CLSPN: variants seen among roughly 807,000 people sequenced by gnomAD.
CLSPN encodes claspin, also known as claspin homolog.
Under a neutral mutation model 156.3 loss-of-function variants are expected in CLSPN, and 85 were observed. That is an observed-to-expected ratio of 0.54 (90% confidence interval 0.46 to 0.65). CLSPN has a LOEUF of 0.65. CLSPN is among the 30% of genes least tolerant of loss of function. CLSPN has a pLI of 0.00. For missense variants in CLSPN, 1,407 were observed against 1,554.9 expected, an observed-to-expected ratio of 0.90 and a Z score of 1.60; for synonymous variants, 534 against 542.4, an observed-to-expected ratio of 0.98 and a Z score of 0.22.
At chr1:35,766,016 A>G (rs562044421) in intron 1 of CLSPN, among the ~76,000 whole-genome samples, 1 of 18,734 alleles carries the variant, frequency 5.3e-5, no homozygotes, top group Non-Finnish European at 1.4e-4. Flanking sequence ...TTTTTTTGAG[A>G]TAGAATCTCG....
At chr1:35,743,376 A>G in intron 17 of CLSPN, 79 bp downstream of exon 17, 1 of 1,421,882 alleles carries the variant, frequency 7.0e-7, no homozygotes, top group East Asian at 2.3e-5. Flanking sequence ...AGAATTCTCA[A>G]GAACTGAGGG....
intron 18 of CLSPN, among the ~76,000 whole-genome samples, chr1:35,742,580 T>C (rs1244711911): frequency 1.3e-5 from 2 of 152,078 alleles, no homozygotes; most frequent in East Asian, 1.9e-4. Flanking sequence ...GGTTTCACCA[T>C]GTTGGTCACG....
At chr1:35,760,980 A>G (rs1642457167) in intron 7 of CLSPN, 64 bp from the exon 8 acceptor site, 3 of 1,416,996 alleles carry the variant, frequency 2.1e-6, no homozygotes, top group South Asian at 2.4e-5. Flanking sequence ...CTCATCCCTT[A>G]GTATATATCA....
chr1:35,756,191 T>C (rs1642266875), intron 8 of CLSPN, among the ~76,000 whole-genome samples: 1 of 151,630 alleles, frequency 6.6e-6, no homozygotes, highest in African/African-American at 2.4e-5. Context: ...AACAAAAGAG[T>C]AGAGAGACAA....
At chr1:35,741,567 C>T (rs1641691943) in intron 18 of CLSPN, among the ~76,000 whole-genome samples, 1 of 152,170 alleles carries the variant, frequency 6.6e-6, no homozygotes, top group Non-Finnish European at 1.5e-5. Flanking sequence ...CCACCCGCCT[C>T]AGCTTCCCAA....
chr1:35,769,568 G>T (rs566215570), intron 1 of CLSPN, among the ~76,000 whole-genome samples: 1 of 152,356 alleles, frequency 6.6e-6, no homozygotes, highest in East Asian at 1.9e-4. Context: ...GGCAGGAACC[G>T]GCTGAAGAGG....
intron 9 of CLSPN, among the ~76,000 whole-genome samples, chr1:35,753,224 T>C (rs899346966): frequency 6.6e-6 from 1 of 152,024 alleles, no homozygotes; most frequent in Non-Finnish European, 1.5e-5. Flanking sequence ...CCCAAGTATC[T>C]GGGGCCACAG....
At position 35,732,268 on chromosome 1, in the gene CLSPN, C is replaced by T; in HGVS notation, c.*4228G>A. 1.0e-6 allele frequency: 1 copy of T among 985,404 alleles called. No individual in the cohort carries two copies. The highest frequency in any genetic ancestry group is 1.2e-6 in the Non-Finnish European group (1 of 829,930). 61.0% of individuals were successfully genotyped at this position (985,404 alleles called of 1,614,324 possible). On this transcript the variant is annotated 3_prime_UTR_variant, in exon 25 of 25. Coordinates refer to ENST00000318121, the MANE Select transcript of CLSPN (RefSeq NM_022111.4). ...CATGGGAACACTCCTCCCAGAAATA[C>T]TCTCCTCTATCCTTAGGAGCACAAA...
downstream of CLSPN, among the ~76,000 whole-genome samples, chr1:35,728,254 G>A (rs1042566411): frequency 8.6e-5 from 13 of 151,834 alleles, no homozygotes; most frequent in African/African-American, 2.7e-4. Context: ...GCTAATTTTT[G>A]TATTTTTTGT....
chr1:35,731,813 C>A (rs974111905), downstream of CLSPN, among the ~76,000 whole-genome samples: 49 of 152,098 alleles, frequency 3.2e-4, no homozygotes, highest in Non-Finnish European at 1.5e-4. Context: ...ACTGAAATGG[C>A]AAATACAGGA....
At chr1:35,730,390 A>G, downstream of CLSPN, among the ~76,000 whole-genome samples, 1 of 151,900 alleles carries the variant, frequency 6.6e-6, no homozygotes, top group East Asian at 1.9e-4. Context: ...CTAAAAATAC[A>G]AAAATTAGCT....
In CLSPN at chr1:35,737,205, G is replaced by A. The variant is rs965611590; in HGVS notation, c.3748-130C>T. 4 of 1,220,202 alleles carry A rather than the reference G, an allele frequency of 3.3e-6. No individual in the cohort carries two copies. The South Asian group carries it at 4.0e-5, about 12-fold the overall frequency. The allele number at this position is 1,220,202 out of a possible 1,614,324, so 75.6% of individuals were successfully genotyped here. A position where few individuals can be genotyped will look rare whatever the true frequency, so the allele number is the denominator to read the frequency against. On this transcript the variant is annotated intron_variant, in intron 23 of 24. Transcript: ENST00000318121. ...ACCCTATTCAAATAGAAAAGAAATA[G>A]CAGACTCCTTTGACATTAACTTTTT...
At chr1:35,728,747 T>C (rs975013190), downstream of CLSPN, among the ~76,000 whole-genome samples, 9 of 152,306 alleles carry the variant, frequency 5.9e-5, no homozygotes, top group Non-Finnish European at 1.5e-5. Context: ...TGATGGGTTC[T>C]AATCCTTGGT....
rs929596558 is a variant in CLSPN, at chr1:35,753,869, C to T, written c.1647G>A (p.Gln549=). ...TCACTATGACGTTCACATTCACTGT[C>T]TGACCAGCCCTGGGTTTGGCTGCTG... ...ANPAAKPRAG[Q]TVNVNVIVKD... Residue 549 remains glutamine, a synonymous_variant, in exon 9 of 25, where the codon CAG becomes CAA. Coordinates refer to ENST00000318121, the MANE Select transcript of CLSPN (RefSeq NM_022111.4). 16 of 1,614,214 alleles carry T rather than the reference C, an allele frequency of 9.9e-6. No individual in the cohort carries two copies. The highest frequency in any genetic ancestry group is 1.6e-4 in the Middle Eastern group (1 of 6,062).
At position 35,751,350 on chromosome 1, in the gene CLSPN, T is replaced by G; in HGVS notation, c.1928A>C (p.Glu643Ala). 1 of 1,601,230 alleles carries G rather than the reference T, an allele frequency of 6.2e-7. No homozygotes were observed. Among genetic ancestry groups the G allele is most frequent in the South Asian group, 1.1e-5 (1 of 90,840 alleles). Residue 643 changes from glutamate to alanine, a missense_variant, in exon 10 of 25, where the codon GAG becomes GCG. Around this residue, in one of 3 missense-constraint regions of CLSPN, gnomAD observed 1,096 missense variants for 1,193.0 expected, o/e 0.92. Transcript: ENST00000318121. Reference sequence around the variant, plus strand: ...CTCTACCTTCTCTTCTCCATCTTCCTCAGACTCATCTGTCATTTCTTCCTC... The same window carrying G: ...CTCTACCTTCTCTTCTCCATCTTCCGCAGACTCATCTGTCATTTCTTCCTC... Reference protein sequence around the residue: ...EEEEEMTDESEEDGEEKVEKE... With the variant: ...EEEEEMTDESAEDGEEKVEKE...
At position 35,738,512 on chromosome 1, in the gene CLSPN, C is replaced by T. The variant is rs754144885; in HGVS notation, c.3501G>A (p.Glu1167=). The T allele has an allele frequency of 1.9e-6, 3 of 1,613,992 alleles. No individual in the cohort carries two copies. Among genetic ancestry groups the T allele is most frequent in the Non-Finnish European group, 1.7e-6 (2 of 1,179,926 alleles). ...DDDQTEEQLD[E]SEARWRKERI... ...GCTCCTTCCTCCACCTGGCTTCTGA[C>T]TCATCAAGCTGTTCTTCAGTCTGAT... The change falls in exon 21 of 25, where the codon GAG becomes GAA. Residue 1167 remains glutamate (E), a synonymous_variant. Coordinates refer to ENST00000318121, the MANE Select transcript of CLSPN (RefSeq NM_022111.4).
chr1:35,764,762 C>A, intron 2 of CLSPN, 48 bp from the exon 3 acceptor site: 1 of 1,208,298 alleles, frequency 8.3e-7, no homozygotes, highest in East Asian at 2.4e-5. Flanking sequence ...TGATCTTCCT[C>A]CTAGTCCCAC....
At chr1:35,768,081 T>C (rs1642732266) in intron 1 of CLSPN, among the ~76,000 whole-genome samples, 1 of 152,158 alleles carries the variant, frequency 6.6e-6, no homozygotes, top group Non-Finnish European at 1.5e-5. Context: ...CAAAAAATTA[T>C]TAAATTGGTC....
At chr1:35,759,107 A>G (rs1265454118) in intron 8 of CLSPN, among the ~76,000 whole-genome samples, 2 of 152,194 alleles carry the variant, frequency 1.3e-5, no homozygotes, top group Non-Finnish European at 2.9e-5. Context: ...TCTATCTAAG[A>G]GTCAGGAAAT....
Sources: allele counts gnomAD v4.1 joint callset (sites outside exome capture counted in the v4.1 genomes callset), GRCh38; gene constraint gnomAD v4.1.1; regional missense constraint gnomAD v4.1.1; transcripts MANE v1.5; gene names NCBI Gene and HGNC (gene_info 2026-07-23, HGNC 2026-07-21).